The following GDA variants were observed in gnomAD, a reference collection of about 807,000 sequenced individuals.
GDA encodes the protein guanine deaminase, also known as cytoplasmic PSD-95 interactor.
GDA carries 18 observed loss-of-function variants against 59.6 expected under a neutral mutation model. That is an observed-to-expected ratio of 0.30 (90% CI 0.21 to 0.45). GDA has a LOEUF of 0.45. GDA is among the 20% of genes least tolerant of loss of function. The pLI is 1.00. For missense variants in GDA, 427 were observed against 552.3 expected (o/e 0.77, Z 2.27); for synonymous variants, 201 against 201.1 (o/e 1.00, Z 0.00).
At chr9:72,223,483 A>G (rs895614814) in intron 7 of GDA, among the ~76,000 whole-genome samples, 8 of 152,188 alleles carry the variant, frequency 5.3e-5, no homozygotes, top group African/African-American at 1.9e-4. Context: ...TCTAAAGACA[A>G]GAAAATCGTT....
At chr9:72,143,605 A>G (rs1444934718) in intron 1 of GDA, among the ~76,000 whole-genome samples, 2 of 152,152 alleles carry the variant, frequency 1.3e-5, no homozygotes, top group African/African-American at 4.8e-5. Context: ...GTCTGGCATA[A>G]AACCTAAGTC....
At position 72,217,798 on chromosome 9, in the gene GDA, T is replaced by C. The variant is rs549535278; in HGVS notation, c.579-1681T>C. Among the ~76,000 whole-genome samples the C allele has an allele frequency of 5.3e-5, 8 of 152,364 alleles. No individual in the cohort carries two copies. In the South Asian group the frequency reaches 1.7e-3, roughly 32 times the overall value. ...TCATTATGTTCTTTTTCATACAACATTGGGAGATTCTACTGACCATATAAA... is the reference window on the plus strand; with the variant it reads ...TCATTATGTTCTTTTTCATACAACACTGGGAGATTCTACTGACCATATAAA... On this transcript the variant is annotated intron_variant, in intron 5 of 13. Coordinates refer to ENST00000358399, the MANE Select transcript of GDA (RefSeq NM_004293.5).
intron 9 of GDA, among the ~76,000 whole-genome samples, chr9:72,229,850 T>A (rs1309125117): frequency 1.3e-5 from 2 of 152,202 alleles, no homozygotes; most frequent in Admixed American, 1.3e-4. Flanking sequence ...GGTTCTGAGT[T>A]TTCAGACTTA....
At chr9:72,174,761 TAGAGAG>T (rs903544285) in intron 1 of GDA, among the ~76,000 whole-genome samples, 2 of 145,636 alleles carry the variant, frequency 1.4e-5, no homozygotes, top group South Asian at 2.2e-4. Context: ...TATATATATA[TAGAGAG>T]AGAGAGAGAG....
chr9:72,187,542 G>C (rs1195117124), intron 1 of GDA, among the ~76,000 whole-genome samples: 2 of 152,164 alleles, frequency 1.3e-5, no homozygotes, highest in Non-Finnish European at 1.5e-5. Context: ...GTATTCTGTT[G>C]TAGCAGGAGA....
intron 1 of GDA, among the ~76,000 whole-genome samples, chr9:72,180,868 T>C (rs1587508372): frequency 6.6e-6 from 1 of 152,258 alleles, no homozygotes; most frequent in South Asian, 2.1e-4. Context: ...CGACTACTTA[T>C]CAAAACACGG....
downstream of GDA, among the ~76,000 whole-genome samples, chr9:72,254,463 A>C (rs1286162829): frequency 5.8e-5 from 7 of 121,506 alleles, no homozygotes; most frequent in South Asian, 2.7e-4. Context: ...AAAAAACAAA[A>C]AAACAAAACA....
chr9:72,214,090 C>A, intron 5 of GDA, 99 bp downstream of exon 5: 1 of 716,448 alleles, frequency 1.4e-6, no homozygotes, highest in Non-Finnish European at 2.5e-6. Context: ...CTGTTATCAC[C>A]CAGTTGGGAT....
intron 10 of GDA, among the ~76,000 whole-genome samples, chr9:72,232,596 A>G (rs1473164256): frequency 1.3e-5 from 2 of 152,234 alleles, no homozygotes; most frequent in Non-Finnish European, 2.9e-5. Context: ...GTCAGTTAAT[A>G]TGAAAAATTT....
chr9:72,178,607 A>AGGG (rs1174339034), intron 1 of GDA, among the ~76,000 whole-genome samples: 1 of 151,966 alleles, frequency 6.6e-6, no homozygotes, highest in African/African-American at 2.4e-5. Context: ...TAGTAGAGGC[A>AGGG]GGGTTTCACC....
chr9:72,230,936 A>G (rs559234646), intron 9 of GDA, among the ~76,000 whole-genome samples, 178 bp from the exon 10 acceptor site: 1 of 152,092 alleles, frequency 6.6e-6, no homozygotes, highest in South Asian at 2.1e-4. Context: ...AGGCTATTTT[A>G]TGATCCTGTT....
chr9:72,223,893 A>C (rs1837217230), intron 7 of GDA, among the ~76,000 whole-genome samples: 1 of 152,364 alleles, frequency 6.6e-6, no homozygotes, highest in Non-Finnish European at 1.5e-5. Context: ...AAGAAAGGTC[A>C]GATCAGGGCA....
chr9:72,192,586 A>G (rs1832690379), intron 1 of GDA, among the ~76,000 whole-genome samples: 1 of 150,772 alleles, frequency 6.6e-6, no homozygotes, highest in Admixed American at 6.6e-5. Flanking sequence ...CAATTCTACT[A>G]TTAAAACACT....
chr9:72,146,042 G>A (rs969452151), upstream of GDA, among the ~76,000 whole-genome samples: 3 of 146,788 alleles, frequency 2.0e-5, no homozygotes, highest in African/African-American at 5.0e-5. Context: ...GTATAGATGA[G>A]TAATGGAACA....
At chr9:72,166,565 A>C (rs1050435894) in intron 1 of GDA, among the ~76,000 whole-genome samples, 4 of 152,214 alleles carry the variant, frequency 2.6e-5, no homozygotes, top group African/African-American at 4.8e-5. Context: ...TAAATACTCA[A>C]GATGAGGGAT....
chr9:72,181,605 G>A (rs924123779), intron 1 of GDA, among the ~76,000 whole-genome samples: 2 of 152,110 alleles, frequency 1.3e-5, no homozygotes, highest in African/African-American at 2.4e-5. Flanking sequence ...GATTACAGGC[G>A]TGAGCCACCG....
chr9:72,168,104 G>T (rs1829527841), intron 1 of GDA, among the ~76,000 whole-genome samples: 1 of 152,114 alleles, frequency 6.6e-6, no homozygotes, highest in Non-Finnish European at 1.5e-5. Context: ...TCTAATAAAA[G>T]GAAAAGATTG....
intron 3 of GDA, among the ~76,000 whole-genome samples, chr9:72,210,041 A>G (rs570292830): frequency 6.0e-4 from 92 of 152,316 alleles, no homozygotes; most frequent in African/African-American, 2.1e-3. Context: ...GCTGATTTCA[A>G]CAAGGTTCCT....
chr9:72,168,257 G>T (rs1829550996), intron 1 of GDA, among the ~76,000 whole-genome samples: 1 of 151,964 alleles, frequency 6.6e-6, no homozygotes, highest in African/African-American at 2.4e-5. Context: ...AACACGAGCT[G>T]GGCATAGTGG....
Sources: gnomAD v4.1 joint callset for allele counts (sites outside exome capture counted in the v4.1 genomes callset) on GRCh38, gnomAD v4.1.1 for gene constraint, MANE v1.5 for transcripts, NCBI Gene and HGNC (gene_info 2026-07-23, HGNC 2026-07-21) for gene names.